The following KCNT1 variants were observed in gnomAD, a reference collection of about 807,000 sequenced individuals.
KCNT1 encodes potassium channel subfamily T member 1.
Under a neutral mutation model 147.8 loss-of-function variants are expected in KCNT1, and 78 were observed. The ratio of observed to expected loss-of-function variants is 0.53; its 90% CI spans 0.44 to 0.64. KCNT1 has a LOEUF of 0.64. KCNT1 is among the 30% of genes least tolerant of loss of function. The pLI is 0.00. For missense variants in KCNT1, 1,419 were observed against 1,750.3 expected, an observed-to-expected ratio of 0.81 and a Z score of 3.38; for synonymous variants, 867 against 748.8, an observed-to-expected ratio of 1.16 and a Z score of -2.58.
chr9:135,786,142 C>A (rs1355743242), intron 28 of KCNT1, 55 bp from the exon 29 acceptor site: 29 of 1,520,146 alleles, frequency 1.9e-5, no homozygotes, highest in Admixed American at 1.7e-4. Flanking sequence ...CCAAAGCCCG[C>A]GACCCTCCCG....
rs58690674 is a variant in KCNT1, at chr9:135,759,636, A to G, written c.855-43A>G. 137,893 of 1,550,566 alleles carry G rather than the reference A, an allele frequency of 0.089. 7,225 individuals are homozygous for G. The highest frequency in any genetic ancestry group is 0.25 in the East Asian group (10,990 of 43,982). On this transcript the variant is annotated intron_variant, in intron 10 of 30. Transcript: ENST00000371757. ...GATCTCTGAGGGGCCACGGCCCCCCAGCTCCTGGGCCCCAGGCCGCCCCTC... is the reference window on the plus strand; with the variant it reads ...GATCTCTGAGGGGCCACGGCCCCCCGGCTCCTGGGCCCCAGGCCGCCCCTC...
Position 135,778,572 on chromosome 9 carries a change from C to T in KCNT1, c.2594+77C>T, listed in dbSNP as rs1323132702. The T allele has an allele frequency of 3.1e-6, 5 of 1,602,602 alleles. No individual in the cohort carries two copies. In the Admixed American group the frequency reaches 8.4e-5, roughly 27 times the overall value. On this transcript the variant is annotated intron_variant, in intron 22 of 30. Coordinates refer to ENST00000371757, the MANE Select transcript of KCNT1 (RefSeq NM_020822.3). ...TCCTCTTCCAAAGTCTGGGGTGACC[C>T]CGACCGCAGGTGGGGTGGGGGGCTG...
At chr9:135,760,984 CT>C (rs921239500) in intron 11 of KCNT1, among the ~76,000 whole-genome samples, 153 of 152,222 alleles carry the variant, frequency 1.0e-3, no homozygotes, top group African/African-American at 3.5e-3. Context: ...GTGACCGCCC[CT>C]CTCACTTTGC....
intron 28 of KCNT1, 199 bp downstream of exon 28, chr9:135,785,529 G>A (rs1010871676): frequency 5.7e-6 from 4 of 707,576 alleles, no homozygotes; most frequent in African/African-American, 3.5e-5. Flanking sequence ...TCCTGCACTG[G>A]TGGTGGGGAA....
chr9:135,713,855 C>T (rs1472784891), intron 1 of KCNT1, among the ~76,000 whole-genome samples: 1 of 152,186 alleles, frequency 6.6e-6, no homozygotes, highest in Non-Finnish European at 1.5e-5. Context: ...ACCAGGGGTC[C>T]TCCCACTCTA....
intron 29 of KCNT1, 49 bp downstream of exon 29, chr9:135,786,570 G>GGTCGGGCCACA: frequency 6.7e-7 from 1 of 1,495,312 alleles, no homozygotes. Context: ...ACTGGGCCAG[G>GGTCGGGCCACA]GTCGGGCCAC....
intron 11 of KCNT1, among the ~76,000 whole-genome samples, chr9:135,764,254 G>A (rs761739992): frequency 9.2e-5 from 14 of 151,996 alleles, no homozygotes; most frequent in African/African-American, 1.2e-4. Flanking sequence ...CCAGGAGTTC[G>A]AGACCAGCCT....
At chr9:135,775,270 T>G (rs767530904) in intron 19 of KCNT1, 40 bp from the exon 20 acceptor site, 3 of 1,508,764 alleles carry the variant, frequency 2.0e-6, no homozygotes, top group Non-Finnish European at 2.7e-6. Flanking sequence ...CCCAGCCACC[T>G]CTGTGCAGCT....
At chr9:135,721,379 G>T (rs922145755) in intron 2 of KCNT1, among the ~76,000 whole-genome samples, 3 of 152,200 alleles carry the variant, frequency 2.0e-5, no homozygotes, top group African/African-American at 7.2e-5. Flanking sequence ...GGGCAGGGAG[G>T]GGCCAGGTGG....
intron 24 of KCNT1, among the ~76,000 whole-genome samples, chr9:135,782,940 G>A (rs1833718621): frequency 6.6e-6 from 1 of 152,194 alleles, no homozygotes. Context: ...TGATGAGTAA[G>A]GGCGAACCCG....
intron 15 of KCNT1, 42 bp from the exon 16 acceptor site, chr9:135,769,905 C>T (rs367691031): frequency 3.2e-5 from 45 of 1,414,396 alleles, no homozygotes; most frequent in Admixed American, 4.0e-5. Flanking sequence ...AGGAGAGAGC[C>T]GGCAGAGCGG....
intron 11 of KCNT1, among the ~76,000 whole-genome samples, chr9:135,762,185 T>C (rs1831959476): frequency 6.6e-6 from 1 of 152,230 alleles, no homozygotes; most frequent in Non-Finnish European, 1.5e-5. Flanking sequence ...GGCTCATGCC[T>C]GTAACCCCAG....
chr9:135,765,236 G>A (rs753389921), intron 12 of KCNT1, 41 bp downstream of exon 12: 47 of 1,577,458 alleles, frequency 3.0e-5, no homozygotes, highest in African/African-American at 4.0e-5. Context: ...ACTCCCTCCC[G>A]GCCCCTAGAG....
chr9:135,770,161 A>G (rs1832652164), intron 16 of KCNT1, 106 bp downstream of exon 16: 2 of 1,376,614 alleles, frequency 1.5e-6, no homozygotes, highest in Non-Finnish European at 9.9e-7. Context: ...GAGGAGGGGC[A>G]CATGGCGGGC....
At chr9:135,723,525 G>A (rs147493544) in intron 2 of KCNT1, among the ~76,000 whole-genome samples, 2 of 152,316 alleles carry the variant, frequency 1.3e-5, no homozygotes, top group African/African-American at 4.8e-5. Flanking sequence ...TGTGGCTCCC[G>A]AAGGGGCATT....
chr9:135,732,038 A>AGAGAGAGG (rs1836504050), intron 2 of KCNT1, among the ~76,000 whole-genome samples: 1 of 137,618 alleles, frequency 7.3e-6, no homozygotes, highest in Non-Finnish European at 1.6e-5. Flanking sequence ...AGAGAGAGAG[A>AGAGAGAGG]GAGGGAGTCT....
chr9:135,727,873 T>C (rs1001792448), intron 2 of KCNT1, among the ~76,000 whole-genome samples: 2 of 152,214 alleles, frequency 1.3e-5, no homozygotes, highest in Non-Finnish European at 2.9e-5. Flanking sequence ...AGCCTGGGAC[T>C]GGGACCTGCT....
In KCNT1 at chr9:135,770,852, C is replaced by T. The variant is rs1161150757; in HGVS notation, c.1770-5C>T. On this transcript the variant is annotated splice_region_variant and splice_polypyrimidine_tract_variant and intron_variant, in intron 17 of 30. Transcript: ENST00000371757. ...GTACCTGAAGTTGCCGGTGCCTCTG[C>T]CCAGGTATGGCGTGTGCCTCATCGG... The T allele has an allele frequency of 6.4e-7, 1 of 1,562,568 alleles. No individual in the cohort carries two copies. Among genetic ancestry groups the T allele is most frequent in the South Asian group, 1.2e-5 (1 of 85,398 alleles).
intron 13 of KCNT1, 30 bp downstream of exon 13, chr9:135,765,790 TG>T (rs1832227322): frequency 7.2e-6 from 9 of 1,247,564 alleles, no homozygotes; most frequent in Non-Finnish European, 1.0e-5. Context: ...GGGGGTGGCA[TG>T]GGGGCACCTT....
Sources: gnomAD v4.1 joint callset for allele counts (sites outside exome capture counted in the v4.1 genomes callset) on GRCh38, gnomAD v4.1.1 for gene constraint, MANE v1.5 for transcripts, NCBI Gene and HGNC (gene_info 2026-07-23, HGNC 2026-07-21) for gene names.